The following APP variants were observed in gnomAD, a reference collection of about 807,000 sequenced individuals.
The protein encoded by APP is amyloid-beta precursor protein.
In APP, 31 loss-of-function variants were observed where a neutral mutation model predicts 101.4. The observed-to-expected ratio is 0.31, with a 90% confidence interval of 0.23 to 0.41. The LOEUF (loss-of-function observed/expected upper bound fraction) is 0.41, where lower values mean the gene tolerates loss of function less well. APP is among the 10% of genes least tolerant of loss of function. APP has a pLI of 1.00. For missense variants in APP, 839 were observed against 1,003.7 expected, an observed-to-expected ratio of 0.84 and a Z score of 2.22; for synonymous variants, 366 against 364.4, an observed-to-expected ratio of 1.00 and a Z score of -0.05.
At chr21:26,146,754 T>G (rs1175428815) in intron 1 of APP, among the ~76,000 whole-genome samples, 1 of 152,220 alleles carries the variant, frequency 6.6e-6, no homozygotes. Flanking sequence ...AAATGTTCAT[T>G]TTTCTCTGAA....
chr21:26,090,185 GC>G (rs1038636250), intron 2 of APP, 113 bp from the exon 3 acceptor site: 44 of 1,502,428 alleles, frequency 2.9e-5, no homozygotes, highest in Non-Finnish European at 3.4e-5. Context: ...TATCCAAAAT[GC>G]TTGGGACCAG....
chr21:26,106,440 C>A (rs1272463739), intron 2 of APP, among the ~76,000 whole-genome samples: 1 of 152,158 alleles, frequency 6.6e-6, no homozygotes, highest in Non-Finnish European at 1.5e-5. Context: ...CACCCTATCT[C>A]CCCATTCTTC....
chr21:25,943,449 CT>C lies in APP; in HGVS notation c.1687+11140del, dbSNP rs769731298. 1.8e-3 allele frequency among the ~76,000 whole-genome samples: 200 copies of C among 109,100 alleles called. 1 individual carries two copies. The highest frequency in any genetic ancestry group is 8.6e-3 in the Middle Eastern group (1 of 116). 71.6% of individuals were successfully genotyped at this position (109,100 alleles called of 152,430 possible). On this transcript the variant is annotated intron_variant, in intron 13 of 17. Coordinates refer to ENST00000346798, the MANE Select transcript of APP (RefSeq NM_000484.4). ...TTACAGGCGTGAGCACCGCACCCAG[CT>C]TTTTTTTTTTTTTCTCTTTTGAGAT...
intron 3 of APP, among the ~76,000 whole-genome samples, chr21:26,068,725 A>G (rs565245356): frequency 1.7e-4 from 26 of 152,160 alleles, no homozygotes; most frequent in African/African-American, 5.8e-4. Flanking sequence ...TCTCAAGCCA[A>G]TCATTCTTTC....
intron 6 of APP, among the ~76,000 whole-genome samples, chr21:26,007,385 ATATAT>A (rs911272554): frequency 4.1e-5 from 6 of 147,246 alleles, no homozygotes; most frequent in Admixed American, 2.1e-4. Context: ...TTAGATTATA[ATATAT>A]TATATAAAAA....
chr21:26,054,577 T>C (rs1174000469), intron 3 of APP, among the ~76,000 whole-genome samples: 1 of 151,238 alleles, frequency 6.6e-6, no homozygotes, highest in Non-Finnish European at 1.5e-5. Flanking sequence ...TAAAGAGGCT[T>C]AGGTTTTGGA....
intron 1 of APP, 32 bp from the exon 2 acceptor site, chr21:26,112,178 T>C (rs201621350): frequency 8.7e-6 from 14 of 1,609,424 alleles, no homozygotes; most frequent in Admixed American, 3.3e-5. Flanking sequence ...AGTTATAGTA[T>C]CCATAGCTCC....
At chr21:25,884,161 G>T (rs531423055) in intron 17 of APP, among the ~76,000 whole-genome samples, 7 of 152,336 alleles carry the variant, frequency 4.6e-5, no homozygotes, top group African/African-American at 1.7e-4. Flanking sequence ...CTACAGGCAT[G>T]AGCCGCCATG....
At chr21:26,035,405 T>A (rs1360815340) in intron 5 of APP, among the ~76,000 whole-genome samples, 1 of 152,020 alleles carries the variant, frequency 6.6e-6, no homozygotes. Flanking sequence ...TATTGACTTG[T>A]GTGACACTGA....
chr21:25,893,356 T>C (rs2037821886), intron 16 of APP, among the ~76,000 whole-genome samples: 1 of 152,192 alleles, frequency 6.6e-6, no homozygotes, highest in African/African-American at 2.4e-5. Flanking sequence ...CACAGGTCTC[T>C]CACTTTAAAG....
intron 5 of APP, among the ~76,000 whole-genome samples, chr21:26,022,636 A>G (rs2044393204): frequency 6.6e-6 from 1 of 152,224 alleles, no homozygotes; most frequent in Non-Finnish European, 1.5e-5. Context: ...AATTCTTTGT[A>G]AACCTAAAAC....
At chr21:25,897,800 G>A in intron 15 of APP, 127 bp from the exon 16 acceptor site, 1 of 747,510 alleles carries the variant, frequency 1.3e-6, no homozygotes, top group South Asian at 1.5e-5. Flanking sequence ...ATTGATAAAT[G>A]ACTCTTAAAG....
At chr21:26,136,291 C>T (rs1408329901) in intron 1 of APP, among the ~76,000 whole-genome samples, 1 of 152,100 alleles carries the variant, frequency 6.6e-6, no homozygotes, top group East Asian at 1.9e-4. Flanking sequence ...AAAGAACCAA[C>T]ATACCACACA....
intron 13 of APP, among the ~76,000 whole-genome samples, chr21:25,916,442 G>GCTTA (rs1340864353): frequency 1.3e-5 from 2 of 152,186 alleles, no homozygotes; most frequent in Non-Finnish European, 2.9e-5. Flanking sequence ...TTTACCAGTG[G>GCTTA]CTTACACACT....
In APP at chr21:25,969,347, CAAAAAAAA is replaced by C. The variant is rs60834302; in HGVS notation, c.1458+5715_1458+5722del. 2.5e-4 allele frequency among the ~76,000 whole-genome samples: 14 copies of C among 55,674 alleles called. No homozygotes were observed. In the South Asian group the frequency reaches 5.5e-3, roughly 22 times the overall value. 36.5% of individuals were successfully genotyped at this position (55,674 alleles called of 152,430 possible). ...TGGGCGACAAAGCAAGACTCTGTCTCAAAAAAAAAAAAAAAAAAAAAAAAAAGAAGGTA... is the reference window on the plus strand; with the variant it reads ...TGGGCGACAAAGCAAGACTCTGTCTCAAAAAAAAAAAAAAAAAAGAAGGTA... On this transcript the variant is annotated intron_variant, in intron 11 of 17. Transcript: ENST00000346798.
intron 13 of APP, chr21:25,937,676 C>T (rs1324515623): frequency 6.6e-6 from 1 of 152,184 alleles, no homozygotes; most frequent in Non-Finnish European, 1.5e-5. Context: ...AGTAGGTTCA[C>T]AATTTCTGAA....
chr21:26,013,640 C>T (rs28579148), intron 6 of APP, among the ~76,000 whole-genome samples: 2,453 of 152,038 alleles, frequency 0.016, 70 homozygotes, highest in African/African-American at 0.056. Context: ...ATTACTTCTG[C>T]TATTCTATTT....
chr21:26,123,065 C>T (rs555725831), intron 1 of APP, among the ~76,000 whole-genome samples: 1 of 152,158 alleles, frequency 6.6e-6, no homozygotes, highest in Non-Finnish European at 1.5e-5. Flanking sequence ...AAGGAAAGGG[C>T]ATCAGAGATT....
chr21:26,169,616 C>T (rs2063695466), intron 1 of APP, among the ~76,000 whole-genome samples: 1 of 152,246 alleles, frequency 6.6e-6, no homozygotes, highest in Non-Finnish European at 1.5e-5. Context: ...GGCCCCGAGG[C>T]TCCGCCAGAA....
Sources: allele counts gnomAD v4.1 joint callset (sites outside exome capture counted in the v4.1 genomes callset), GRCh38; gene constraint gnomAD v4.1.1; transcripts MANE v1.5; gene names NCBI Gene and HGNC (gene_info 2026-07-23, HGNC 2026-07-21).